Variants in DEPDC5 observed in about 807,000 individuals in gnomAD.
DEPDC5 encodes DEP domain containing 5, GATOR1 subcomplex subunit.
Under a neutral mutation model 217.3 loss-of-function variants are expected in DEPDC5, and 73 were observed. That is an observed-to-expected ratio of 0.34 (90% CI 0.28 to 0.41). The LOEUF (loss-of-function observed/expected upper bound fraction) is 0.41, where lower values mean the gene tolerates loss of function less well. DEPDC5 is among the 10% of genes least tolerant of loss of function. DEPDC5 has a pLI of 1.00. For missense variants in DEPDC5, 1,675 were observed against 2,070.1 expected (o/e 0.81, Z 3.70); for synonymous variants, 733 against 756.7 (o/e 0.97, Z 0.51).
intron 5 of DEPDC5, among the ~76,000 whole-genome samples, chr22:31,765,798 G>A (rs62238893): frequency 0.097 from 14,679 of 152,094 alleles, 770 homozygotes; most frequent in Admixed American, 0.13. Context: ...CAAGGCAGGC[G>A]GATGACTTGA....
chr22:31,767,907 G>T (rs1343591279), intron 6 of DEPDC5, among the ~76,000 whole-genome samples: 2 of 151,192 alleles, frequency 1.3e-5, no homozygotes, highest in African/African-American at 4.9e-5. Context: ...CACCACACCC[G>T]GCTAATTTTT....
Position 31,758,577 on chromosome 22 carries a change from C to G in DEPDC5, c.90C>G (p.Phe30Leu), listed in dbSNP as rs374794334. The change falls in exon 3 of 43, where the codon TTC (phenylalanine) becomes TTG (leucine). Residue 30 changes from phenylalanine (F) to leucine (L), a missense_variant. This residue lies in a region of DEPDC5 where 628 missense variants were observed against 762.1 expected (regional missense o/e 0.82). Transcript: ENST00000651528. ...DDELVVNPKV[F>L]PHIKLGDIVE... Reference sequence around the variant, plus strand: ...AGCTAGTTGTGAACCCCAAAGTGTTCCCTCACATCAAGCTTGGAGACATTG... The same window carrying G: ...AGCTAGTTGTGAACCCCAAAGTGTTGCCTCACATCAAGCTTGGAGACATTG... The G allele has an allele frequency of 2.2e-5, 35 of 1,613,974 alleles. No individual in the cohort carries two copies. The highest frequency in any genetic ancestry group is 1.3e-4 in the African/African-American group (10 of 74,890).
intron 38 of DEPDC5, among the ~76,000 whole-genome samples, chr22:31,881,113 C>T (rs1292640087): frequency 6.6e-6 from 1 of 151,668 alleles, no homozygotes; most frequent in African/African-American, 2.4e-5. Flanking sequence ...GAGTTTGATA[C>T]CAGCCTGGGC....
At chr22:31,882,116 C>T (rs1370253913) in intron 38 of DEPDC5, among the ~76,000 whole-genome samples, 1 of 152,166 alleles carries the variant, frequency 6.6e-6, no homozygotes, top group African/African-American at 2.4e-5. Context: ...CAGTGTTAAT[C>T]ATTCACTTAT....
At chr22:31,847,421 G>C (rs2091802674) in intron 31 of DEPDC5, among the ~76,000 whole-genome samples, 1 of 151,982 alleles carries the variant, frequency 6.6e-6, no homozygotes, top group Non-Finnish European at 1.5e-5. Flanking sequence ...GACATACCTG[G>C]GACTGAGTAA....
At chr22:31,784,566 G>A (rs1463299143) in intron 9 of DEPDC5, 2 of 367,364 alleles carry the variant, frequency 5.4e-6, no homozygotes, top group African/African-American at 4.3e-5. Flanking sequence ...GCGGCAGTGA[G>A]CCAGTATCAT....
chr22:31,821,422 G>T (rs2089686211), intron 22 of DEPDC5, 80 bp from the exon 23 acceptor site: 8 of 1,570,220 alleles, frequency 5.1e-6, no homozygotes, highest in Non-Finnish European at 7.0e-6. Context: ...CCAGTAGCTG[G>T]AAAGAAGGGA....
chr22:31,902,408 T>TTTTATATATATATATA (rs1491391820), intron 41 of DEPDC5, among the ~76,000 whole-genome samples: 3 of 111,946 alleles, frequency 2.7e-5, no homozygotes, highest in Non-Finnish European at 3.6e-5. Context: ...CATCTCCTTA[T>TTTTATATATATATATA]TATATATATA....
intron 34 of DEPDC5, among the ~76,000 whole-genome samples, chr22:31,871,646 A>G (rs1032398821): frequency 6.6e-6 from 1 of 152,230 alleles, no homozygotes; most frequent in African/African-American, 2.4e-5. Flanking sequence ...TGCCCAATGC[A>G]TAGAAAAAAT....
intron 23 of DEPDC5, 69 bp from the exon 24 acceptor site, chr22:31,822,624 A>G: frequency 6.7e-7 from 1 of 1,494,834 alleles, no homozygotes; most frequent in Non-Finnish European, 9.3e-7. Flanking sequence ...CACCCCCGGG[A>G]TATAGGTGAG....
At chr22:31,813,817 T>C (rs2088737863) in intron 20 of DEPDC5, 1 of 152,004 alleles carries the variant, frequency 6.6e-6, no homozygotes, top group African/African-American at 2.4e-5. Flanking sequence ...GTTTAAATTT[T>C]GGATGGAATA....
chr22:31,803,366 A>G (rs996102780), intron 15 of DEPDC5, among the ~76,000 whole-genome samples: 1 of 151,884 alleles, frequency 6.6e-6, no homozygotes, highest in Non-Finnish European at 1.5e-5. Flanking sequence ...ATCCGCCACC[A>G]TGCCCGGCTA....
intron 38 of DEPDC5, chr22:31,879,963 T>C: frequency 1.8e-6 from 1 of 570,886 alleles, no homozygotes; most frequent in South Asian, 2.0e-5. Context: ...AGACGGTATT[T>C]AGCACCTCTC....
rs1057519107 is a variant in DEPDC5, at chr22:31,815,020, C to T, written c.1474C>T (p.Arg492Ter). 2 of 1,614,096 alleles carry T rather than the reference C, an allele frequency of 1.2e-6. No individual in the cohort carries two copies. The highest frequency in any genetic ancestry group is 1.7e-6 in the Non-Finnish European group (2 of 1,180,002). ...RSVRERESHS[R>*]KSASSCDVSS... is the part of the protein sequence containing the mutation. ...TGTGCGAGAGCGAGAGAGTCACAGT[C>T]GAAAGAGTGCCAGCTCCTGTGATGT... The change falls in exon 21 of 43, where the codon CGA (arginine) becomes TGA (stop). Residue 492 changes from arginine (R) to a stop codon, truncating the protein, a stop_gained. Transcript: ENST00000651528. LOFTEE classifies it high-confidence loss of function.
At chr22:31,832,110 C>CT (rs1254636534) in intron 24 of DEPDC5, among the ~76,000 whole-genome samples, 1 of 151,894 alleles carries the variant, frequency 6.6e-6, no homozygotes, top group Non-Finnish European at 1.5e-5. Flanking sequence ...TAGTTGCCTC[C>CT]TTTTTATTGC....
rs1346345987 is a variant in DEPDC5 at position 31,843,816 on chromosome 22, AGAGAGTGGGCTTTG to A, written c.2801+7_2801+20del. ...CTGCCGGCTCTGAAGACTTCAGGTC[AGAGAGTGGGCTTTG>A]GATTTCCATCTTTGCATCCTTGGGC... On this transcript the variant is annotated splice_donor_5th_base_variant and intron_variant, in intron 29 of 42. Coordinates refer to ENST00000651528, the MANE Select transcript of DEPDC5 (RefSeq NM_001242896.3). The A allele has an allele frequency of 1.9e-6, 3 of 1,588,284 alleles. No homozygotes were observed. In the African/African-American group the frequency reaches 4.0e-5, roughly 21 times the overall value.
intron 33 of DEPDC5, among the ~76,000 whole-genome samples, chr22:31,867,783 A>AC (rs1187822546): frequency 5.3e-5 from 8 of 151,288 alleles, no homozygotes; most frequent in Non-Finnish European, 8.8e-5. Context: ...CTCTTTAACC[A>AC]CCCCCTACCC....
Position 31,836,991 on chromosome 22 carries a change from C to G in DEPDC5, c.2190C>G (p.Pro730=). 1 of 1,614,086 alleles carries G rather than the reference C, an allele frequency of 6.2e-7. No individual in the cohort carries two copies. The highest frequency in any genetic ancestry group is 8.5e-7 in the Non-Finnish European group (1 of 1,180,014). The part of the protein sequence containing the change: ...SPDPILTLSA[P]PVVPGFCCTV... ...AGGCAGTTCTGACACTGTCTGCTCC[C>G]CCTGTAGTGCCAGGCTTCTGTTGCA... Residue 730 remains proline (P), a synonymous_variant, in exon 26 of 43, where the codon CCC becomes CCG. Coordinates refer to ENST00000651528, the MANE Select transcript of DEPDC5 (RefSeq NM_001242896.3).
At chr22:31,799,791 T>G (rs943772879) in intron 14 of DEPDC5, among the ~76,000 whole-genome samples, 7 of 136,914 alleles carry the variant, frequency 5.1e-5, no homozygotes, top group Non-Finnish European at 1.1e-4. Flanking sequence ...TGAGCCACCA[T>G]GCCCGGCCTT....
Sources: gnomAD v4.1 joint callset for allele counts (sites outside exome capture counted in the v4.1 genomes callset) on GRCh38, gnomAD v4.1.1 for gene constraint, gnomAD v4.1.1 regional missense constraint, MANE v1.5 for transcripts, NCBI Gene and HGNC (gene_info 2026-07-23, HGNC 2026-07-21) for gene names.